The following MAST3 variants were observed in gnomAD, a reference collection of about 807,000 sequenced individuals.
The protein encoded by MAST3 is microtubule associated serine/threonine kinase 3.
In MAST3, 43 loss-of-function variants were observed where a neutral mutation model predicts 127.0. The observed-to-expected ratio is 0.34, with a 90% CI of 0.27 to 0.44. The LOEUF is 0.44. Among genes scored for constraint, MAST3 ranks in the 20% least tolerant of loss-of-function variants. The probability of loss-of-function intolerance (pLI) is 1.00; values close to 1 mark genes in which losing one functional copy is unlikely to be tolerated. For missense variants in MAST3, 1,390 were observed against 1,919.1 expected (o/e 0.72, Z 5.15); for synonymous variants, 785 against 809.2 (o/e 0.97, Z 0.51).
At chr19:18,106,420 G>C (rs1434853849) in intron 1 of MAST3, among the ~76,000 whole-genome samples, 1 of 151,908 alleles carries the variant, frequency 6.6e-6, no homozygotes, top group Non-Finnish European at 1.5e-5. Flanking sequence ...TGTATTTTTA[G>C]TAGAGACAGG....
chr19:18,145,815 G>A lies in MAST3; in HGVS notation c.3112G>A (p.Glu1038Lys). ...GGACCTCATCACCCACATCAACGGG[G>A]AGTCAGTGCTGGGGCTGGTGCACAT... ...AGDLITHING[E>K]SVLGLVHMDV... Residue 1038 changes from glutamate (E) to lysine (K), a missense_variant, in exon 25 of 28, where the codon GAG (glutamate) becomes AAG (lysine). Physicochemically the swap from Glu to Lys is moderately conservative, Grantham distance 56. Transcript: ENST00000687212. The surrounding 1 kb of genome is among the most constrained non-coding windows in gnomAD (Gnocchi z 5.9). 6.3e-7 allele frequency: 1 copy of A among 1,593,820 alleles called. No homozygotes were observed. Among genetic ancestry groups the A allele is most frequent in the Non-Finnish European group, 8.5e-7 (1 of 1,173,084 alleles).
chr19:18,124,888 T>C, intron 11 of MAST3, 114 bp downstream of exon 11: 3 of 1,358,406 alleles, frequency 2.2e-6, no homozygotes, highest in Non-Finnish European at 2.9e-6. Context: ...GGCAGATCAC[T>C]TGAGGCCAGG....
chr19:18,131,214 G>A (rs1021885445), intron 14 of MAST3, among the ~76,000 whole-genome samples: 4 of 151,966 alleles, frequency 2.6e-5, no homozygotes, highest in Admixed American at 6.6e-5. Flanking sequence ...TCAGGACTTC[G>A]AGACCAGCCT....
chr19:18,109,859 T>C, intron 2 of MAST3: 1 of 844,476 alleles, frequency 1.2e-6, no homozygotes, highest in Non-Finnish European at 1.4e-6. Context: ...TGGGGCGGAC[T>C]GCGCTCAGAT....
Position 18,110,019 on chromosome 19 carries a change from C to T in MAST3, c.72-633C>T. 1 of 985,366 alleles carries T rather than the reference C, an allele frequency of 1.0e-6. No homozygotes were observed. The highest frequency in any genetic ancestry group is 1.2e-6 in the Non-Finnish European group (1 of 829,892). The allele number at this position is 985,366 out of a possible 1,614,324, so 61.0% of individuals were successfully genotyped here. A position where few individuals can be genotyped will look rare whatever the true frequency, so the allele number is the denominator to read the frequency against. Reference sequence around the variant, plus strand: ...GGGCGCAGCTCGGGGGCTCCCAAGCCGGCGGCCTCGGCGTCCCTGCGGCAG... The same window carrying T: ...GGGCGCAGCTCGGGGGCTCCCAAGCTGGCGGCCTCGGCGTCCCTGCGGCAG... On this transcript the variant is annotated intron_variant, in intron 2 of 27. Coordinates refer to ENST00000687212, the MANE Select transcript of MAST3 (RefSeq NM_001393504.1). This position sits in a 1 kb window ranked among gnomAD's most constrained non-coding sequence, Gnocchi z 4.3.
chr19:18,102,661 A>C (rs1263569081), intron 1 of MAST3, among the ~76,000 whole-genome samples: 2 of 149,492 alleles, frequency 1.3e-5, no homozygotes, highest in South Asian at 4.3e-4. Context: ...TTTGTATTTT[A>C]AGTAGAGACG....
chr19:18,107,545 C>A (rs751330047), intron 1 of MAST3, 42 bp from the exon 2 acceptor site: 2 of 1,608,304 alleles, frequency 1.2e-6, no homozygotes, highest in Non-Finnish European at 1.7e-6. Context: ...GTTCTGAGGG[C>A]TAGTCTCTCT....
chr19:18,128,453 C>T lies in MAST3; in HGVS notation c.1132C>T (p.Pro378Ser). The T allele has an allele frequency of 6.4e-7, 1 of 1,555,456 alleles. No homozygotes were observed. Among genetic ancestry groups the T allele is most frequent in the Non-Finnish European group, 8.7e-7 (1 of 1,149,286 alleles). ...AGAACAGCCCCCAGCACCTGAGTCC[C>T]CAGAGGTGAGTAGCAGAGGCTGGGG... ...EEEQPPAPES[P>S]ESRALVGQSR... Residue 378 changes from proline (P) to serine (S), a missense_variant, in exon 12 of 28, where the codon CCA (proline) becomes TCA (serine). Around this residue, in one of 5 missense-constraint regions of MAST3, gnomAD observed 277 missense variants for 384.8 expected, o/e 0.72. Coordinates refer to ENST00000687212, the MANE Select transcript of MAST3 (RefSeq NM_001393504.1).
Position 18,137,191 on chromosome 19 carries a change from T to C in MAST3, c.1973-48T>C, listed in dbSNP as rs772803106. The C allele has an allele frequency of 1.1e-5, 17 of 1,560,056 alleles. No individual in the cohort carries two copies. The African/African-American group carries it at 1.9e-4, about 17-fold the overall frequency. Reference sequence around the variant, plus strand: ...GCAGTGGGGGTAGGGGGGCATCCTGTGGCGGGTGAGGTGAGGACCTGCAGG... The same window carrying C: ...GCAGTGGGGGTAGGGGGGCATCCTGCGGCGGGTGAGGTGAGGACCTGCAGG... On this transcript the variant is annotated intron_variant, in intron 18 of 27. Transcript: ENST00000687212.
At chr19:18,130,929 A>T (rs921606458) in intron 14 of MAST3, among the ~76,000 whole-genome samples, 5 of 152,154 alleles carry the variant, frequency 3.3e-5, no homozygotes, top group Non-Finnish European at 7.4e-5. Flanking sequence ...TGGAGGCAAG[A>T]GGAGGGTGGC....
intron 5 of MAST3, chr19:18,122,241 C>A: frequency 1.8e-6 from 1 of 540,922 alleles, no homozygotes; most frequent in Non-Finnish European, 2.4e-6. Context: ...GATTGAGCAC[C>A]TGTCATGTGC....
chr19:18,122,801 G>T, intron 6 of MAST3, 50 bp downstream of exon 6: 1 of 1,555,572 alleles, frequency 6.4e-7, no homozygotes, highest in East Asian at 2.3e-5. Flanking sequence ...CCGGGTTGTG[G>T]GGGGACACAT....
chr19:18,105,763 C>G (rs11665905), intron 1 of MAST3, among the ~76,000 whole-genome samples: 56,415 of 151,946 alleles, frequency 0.37, 10,858 homozygotes, highest in Admixed American at 0.42. Context: ...CACAAGCTCA[C>G]GGCTTTCTAT....
At chr19:18,109,856 G>T (rs909750678) in intron 2 of MAST3, 4 of 821,552 alleles carry the variant, frequency 4.9e-6, no homozygotes, top group African/African-American at 1.9e-5. Flanking sequence ...AGTTGGGGCG[G>T]ACTGCGCTCA....
chr19:18,114,464 C>T (rs1230888049), intron 3 of MAST3, among the ~76,000 whole-genome samples: 3 of 152,212 alleles, frequency 2.0e-5, no homozygotes, highest in Non-Finnish European at 2.9e-5. Flanking sequence ...GTTGGGATTA[C>T]AGGCATAAGC....
rs1406827208 is a variant in MAST3 at position 18,121,355 on chromosome 19, C to G, written c.162-330C>G. Among the ~76,000 whole-genome samples, 12 of 152,210 alleles carry G rather than the reference C, an allele frequency of 7.9e-5. No homozygotes were observed. The East Asian group carries it at 2.1e-3, about 27-fold the overall frequency. ...AATTTTGTATAGAGACGGGGTCTTGCTATGTTGCCCAGGCTGGTCTTGAAC... is the reference window on the plus strand; with the variant it reads ...AATTTTGTATAGAGACGGGGTCTTGGTATGTTGCCCAGGCTGGTCTTGAAC... On this transcript the variant is annotated intron_variant, in intron 3 of 27. Coordinates refer to ENST00000687212, the MANE Select transcript of MAST3 (RefSeq NM_001393504.1).
rs1298625171 is a variant in MAST3 at position 18,149,779 on chromosome 19, GT to G, written c.*59del. ...AAAGTTACGCGTTTTCTTGTGCAAT[GT>G]TTTTTCCGTAAAGTCATGCCTGGAT... On this transcript the variant is annotated 3_prime_UTR_variant, in exon 28 of 28. Transcript: ENST00000687212. The surrounding 1 kb of genome is among the most constrained non-coding windows in gnomAD (Gnocchi z 5.9). 4 of 1,600,254 alleles carry G rather than the reference GT, an allele frequency of 2.5e-6. No individual in the cohort carries two copies. The highest frequency in any genetic ancestry group is 3.4e-6 in the Non-Finnish European group (4 of 1,177,764).
chr19:18,128,435 C>A lies in MAST3; in HGVS notation c.1114C>A (p.Pro372Thr), dbSNP rs185781192. The A allele has an allele frequency of 7.1e-6, 11 of 1,556,792 alleles. No homozygotes were observed. The Admixed American group carries it at 2.1e-4, about 30-fold the overall frequency. ...VPLSHLEEEQ[P>T]PAPESPESRA... is the part of the protein sequence containing the mutation. ...ACTGAGTCACCTCGAAGAAGAACAG[C>A]CCCCAGCACCTGAGTCCCCAGAGGT... The change falls in exon 12 of 28, where the codon CCC becomes ACC. Residue 372 changes from proline (P) to threonine (T), a missense_variant. Physicochemically the swap from Pro to Thr is conservative, Grantham distance 38 (BLOSUM62 -1). Coordinates refer to ENST00000687212, the MANE Select transcript of MAST3 (RefSeq NM_001393504.1).
chr19:18,135,953 G>A (rs2041854264), intron 18 of MAST3, 112 bp downstream of exon 18: 10 of 748,144 alleles, frequency 1.3e-5, no homozygotes, highest in Middle Eastern at 3.9e-4. Context: ...AAGCTGCATG[G>A]AGGAGGGGGT....
Sources: allele counts gnomAD v4.1 joint callset (sites outside exome capture counted in the v4.1 genomes callset), GRCh38; gene constraint gnomAD v4.1.1; regional missense constraint gnomAD v4.1.1; non-coding constraint Gnocchi (gnomAD v3.1); transcripts MANE v1.5; gene names NCBI Gene and HGNC (gene_info 2026-07-23, HGNC 2026-07-21).